GPR158: variants seen among roughly 807,000 people sequenced by gnomAD.
GPR158 encodes metabotropic glycine receptor.
In GPR158, 30 loss-of-function variants were observed where a neutral mutation model predicts 78.2. The ratio of observed to expected loss-of-function variants is 0.38; its 90% CI spans 0.29 to 0.52. The LOEUF (loss-of-function observed/expected upper bound fraction) is 0.52, where lower values mean the gene tolerates loss of function less well. Among genes scored for constraint, GPR158 ranks in the 20% least tolerant of loss-of-function variants. The pLI, the probability that GPR158 is intolerant of heterozygous loss-of-function variation, is 0.83. For synonymous variants in GPR158, 581 were observed against 591.1 expected, an observed-to-expected ratio of 0.98 and a Z score of 0.25; for missense variants, 1,463 against 1,523.5, an observed-to-expected ratio of 0.96 and a Z score of 0.66.
intron 4 of GPR158, among the ~76,000 whole-genome samples, chr10:25,425,018 A>G (rs1834800928): frequency 6.6e-6 from 1 of 152,194 alleles, no homozygotes; most frequent in Admixed American, 6.5e-5. Flanking sequence ...ACCCATGAGC[A>G]TGGAATGTTC....
chr10:25,355,033 G>A (rs553903573), intron 2 of GPR158, among the ~76,000 whole-genome samples: 1 of 152,130 alleles, frequency 6.6e-6, no homozygotes, highest in Admixed American at 6.6e-5. Flanking sequence ...CCTTGGGGTA[G>A]TCTTATTTGG....
rs188952454 is a variant in GPR158, at chr10:25,382,174, G to A, written c.1009-13737G>A. ...AGTGTCGAACATACAAAGAATTTAC[G>A]TTTGTCAAGCCTTTGGGCTATTTCT... is the stretch of plus-strand genomic sequence containing the variant. On this transcript the variant is annotated intron_variant, in intron 2 of 10. Transcript: ENST00000376351. Among the ~76,000 whole-genome samples the A allele has an allele frequency of 1.4e-3, 207 of 152,280 alleles. 1 individual carries two copies. Among genetic ancestry groups the A allele is most frequent in the Non-Finnish European group, 1.1e-3 (75 of 68,036 alleles).
chr10:25,425,941 T>C (rs1834814290), intron 4 of GPR158, among the ~76,000 whole-genome samples: 1 of 152,154 alleles, frequency 6.6e-6, no homozygotes, highest in Non-Finnish European at 1.5e-5. Context: ...GTTTCCTATC[T>C]ACATGTTATT....
chr10:25,176,341 C>A lies in GPR158; in HGVS notation c.902+19C>A. On this transcript the variant is annotated intron_variant, in intron 1 of 10. Transcript: ENST00000376351. The surrounding 1 kb of genome is among the most constrained non-coding windows in gnomAD (Gnocchi z 6.3). ...AATTCAGGTAGGGAGGGCCGGGGGG[C>A]AGGGGGGAAGGCAAAAGCGAAGCTT... 2 of 1,538,252 alleles carry A rather than the reference C, an allele frequency of 1.3e-6. No individual in the cohort carries two copies. Among genetic ancestry groups the A allele is most frequent in the Non-Finnish European group, 1.8e-6 (2 of 1,140,570 alleles).
chr10:25,324,823 T>TTTTCTTTCTTTCTTTCTTTCTTTC (rs1268961432), intron 2 of GPR158, among the ~76,000 whole-genome samples: 18 of 137,440 alleles, frequency 1.3e-4, no homozygotes, highest in African/African-American at 5.0e-4. Context: ...GTATTTTCTT[T>TTTTCTTTCTTTCTTTCTTTCTTTC]TTTCTTTCTT....
At chr10:25,273,617 G>C (rs1854145762) in intron 2 of GPR158, among the ~76,000 whole-genome samples, 1 of 152,022 alleles carries the variant, frequency 6.6e-6, no homozygotes, top group Admixed American at 6.6e-5. Context: ...GCCTTTGTTT[G>C]CTTCCCAAAT....
intron 2 of GPR158, among the ~76,000 whole-genome samples, chr10:25,372,975 G>C (rs1588832116): frequency 6.6e-6 from 1 of 151,820 alleles, no homozygotes; most frequent in Admixed American, 6.6e-5. Context: ...AATATAAATT[G>C]TCTGTCATAA....
rs1485855032 is a variant in GPR158, at chr10:25,589,176, A to G, written c.1892+31A>G. The G allele has an allele frequency of 7.2e-6, 11 of 1,526,524 alleles. No individual in the cohort carries two copies. In the African/African-American group the frequency reaches 8.2e-5, roughly 11 times the overall value. 94.6% of individuals were successfully genotyped at this position (1,526,524 alleles called of 1,614,324 possible). A position where few individuals can be genotyped will look rare whatever the true frequency, so the allele number is the denominator to read the frequency against. ...TGATCTGTAGAGCTAGTAAATAACT[A>G]TTTTATTTTTCTGATGTGTTGCTGT... On this transcript the variant is annotated intron_variant, in intron 8 of 10. Coordinates refer to ENST00000376351, the MANE Select transcript of GPR158 (RefSeq NM_020752.3).
At chr10:25,314,905 T>TACACACACACACAC (rs34451547) in intron 2 of GPR158, among the ~76,000 whole-genome samples, 1 of 137,372 alleles carries the variant, frequency 7.3e-6, no homozygotes, top group Non-Finnish European at 1.5e-5. Flanking sequence ...AGTTTACACA[T>TACACACACACACAC]ACACACACAC....
chr10:25,441,603 A>G (rs113757327), intron 4 of GPR158, among the ~76,000 whole-genome samples: 188 of 152,320 alleles, frequency 1.2e-3, no homozygotes, highest in African/African-American at 4.3e-3. Context: ...TCCTTCTCAG[A>G]CCTTAAGAAG....
At chr10:25,595,394 C>T (rs578030432) in intron 9 of GPR158, among the ~76,000 whole-genome samples, 1 of 152,264 alleles carries the variant, frequency 6.6e-6, no homozygotes, top group South Asian at 2.1e-4. Flanking sequence ...TGGAGCTATA[C>T]TGAGATTATT....
intron 2 of GPR158, among the ~76,000 whole-genome samples, chr10:25,349,708 C>A (rs1855426762): frequency 6.8e-6 from 1 of 146,704 alleles, no homozygotes; most frequent in Non-Finnish European, 1.5e-5. Context: ...AACCTCCTTT[C>A]TTCATATATT....
At chr10:25,370,146 G>T (rs1396561576) in intron 2 of GPR158, among the ~76,000 whole-genome samples, 3 of 139,530 alleles carry the variant, frequency 2.2e-5, no homozygotes, top group Non-Finnish European at 3.2e-5. Context: ...TTTTTGAAGG[G>T]TTTTTTGTGT....
chr10:25,561,691 T>A (rs1395333932), intron 6 of GPR158, among the ~76,000 whole-genome samples: 1 of 144,616 alleles, frequency 6.9e-6, no homozygotes, highest in East Asian at 2.0e-4. Flanking sequence ...AAAGGAGTGG[T>A]TTAGGGAACA....
At chr10:25,378,796 T>C (rs1232885796) in intron 2 of GPR158, among the ~76,000 whole-genome samples, 1 of 152,082 alleles carries the variant, frequency 6.6e-6, no homozygotes, top group Admixed American at 6.6e-5. Context: ...TATTTTTATT[T>C]TTATTTTTGT....
chr10:25,261,538 A>G (rs987628311), intron 2 of GPR158, among the ~76,000 whole-genome samples: 19 of 152,094 alleles, frequency 1.2e-4, no homozygotes, highest in Non-Finnish European at 2.9e-5. Context: ...AAAGTCTCTT[A>G]ATTTGCTAAT....
intron 5 of GPR158, among the ~76,000 whole-genome samples, chr10:25,488,941 G>A (rs577664938): frequency 6.6e-6 from 1 of 151,984 alleles, no homozygotes; most frequent in South Asian, 2.1e-4. Context: ...TGAAAAAAAG[G>A]GAAAAAAACT....
chr10:25,473,262 G>A (rs1823204112), intron 5 of GPR158, among the ~76,000 whole-genome samples: 2 of 151,986 alleles, frequency 1.3e-5, no homozygotes, highest in South Asian at 4.2e-4. Context: ...TACATTTATT[G>A]ATTTGCGTAT....
chr10:25,557,948 T>C (rs894219753), intron 6 of GPR158, among the ~76,000 whole-genome samples: 3 of 152,274 alleles, frequency 2.0e-5, no homozygotes, highest in African/African-American at 7.2e-5. Flanking sequence ...TTTTGTCCCA[T>C]CTGCAGATGT....
Sources: gnomAD v4.1 joint callset for allele counts (sites outside exome capture counted in the v4.1 genomes callset) on GRCh38, gnomAD v4.1.1 for gene constraint, Gnocchi (gnomAD v3.1) non-coding constraint, MANE v1.5 for transcripts, NCBI Gene and HGNC (gene_info 2026-07-23, HGNC 2026-07-21) for gene names.